PLXNA4: variants seen among roughly 807,000 people sequenced by gnomAD.
PLXNA4 encodes the protein plexin-A4.
PLXNA4 carries 44 observed loss-of-function variants against 191.8 expected under a neutral mutation model. The observed-to-expected ratio is 0.23, with a 90% CI of 0.18 to 0.29. The LOEUF (loss-of-function observed/expected upper bound fraction) is 0.29, where lower values mean the gene tolerates loss of function less well. PLXNA4 is among the 10% of genes least tolerant of loss of function. The pLI, the probability that PLXNA4 is intolerant of heterozygous loss-of-function variation, is 1.00. For synonymous variants in PLXNA4, 1,082 were observed against 1,009.5 expected (o/e 1.07, Z -1.36); for missense variants, 1,800 against 2,488.8 (o/e 0.72, Z 5.89).
At chr7:132,201,293 G>A (rs1000477014) in intron 12 of PLXNA4, among the ~76,000 whole-genome samples, 1 of 152,152 alleles carries the variant, frequency 6.6e-6, no homozygotes, top group African/African-American at 2.4e-5. Context: ...TGTCGTGCAA[G>A]CTGCCTAGTC....
intron 4 of PLXNA4, among the ~76,000 whole-genome samples, chr7:132,260,130 C>A (rs561927213): frequency 6.6e-6 from 1 of 152,212 alleles, no homozygotes; most frequent in African/African-American, 2.4e-5. Context: ...AACAGAACTG[C>A]CATTCAACCT....
At chr7:132,543,980 C>T (rs10225675) in intron 1 of PLXNA4, among the ~76,000 whole-genome samples, 104,709 of 152,128 alleles carry the variant, frequency 0.69, 38,042 homozygotes, top group South Asian at 0.89. Context: ...TGAGGCACAC[C>T]AACTAGAAGA....
chr7:132,181,315 G>A, intron 18 of PLXNA4, 66 bp downstream of exon 18: 2 of 1,596,184 alleles, frequency 1.3e-6, no homozygotes, highest in Non-Finnish European at 1.7e-6. Context: ...TCTGTGACTT[G>A]AACACCCCCT....
chr7:132,285,022 AT>A (rs989736097), intron 4 of PLXNA4, among the ~76,000 whole-genome samples: 1 of 151,914 alleles, frequency 6.6e-6, no homozygotes, highest in Non-Finnish European at 1.5e-5. Context: ...GCATAGGTGG[AT>A]TTTTTTTCAA....
intron 1 of PLXNA4, among the ~76,000 whole-genome samples, chr7:132,551,484 A>T (rs1471106156): frequency 6.6e-6 from 1 of 152,118 alleles, no homozygotes; most frequent in Middle Eastern, 3.2e-3. Context: ...CCATTCACAA[A>T]CCTTTCATTA....
chr7:132,170,119 C>T (rs1271604705), intron 21 of PLXNA4, among the ~76,000 whole-genome samples: 1 of 152,084 alleles, frequency 6.6e-6, no homozygotes, highest in African/African-American at 2.4e-5. Flanking sequence ...AATTCTGTCA[C>T]AGTCATTTCC....
chr7:132,545,740 G>T (rs1483467531), intron 1 of PLXNA4, among the ~76,000 whole-genome samples: 1 of 152,202 alleles, frequency 6.6e-6, no homozygotes, highest in African/African-American at 2.4e-5. Context: ...TGGAACTAAG[G>T]TGTTAAGAAG....
At chr7:132,404,252 C>T (rs960963270) in intron 3 of PLXNA4, among the ~76,000 whole-genome samples, 9 of 152,210 alleles carry the variant, frequency 5.9e-5, no homozygotes, top group African/African-American at 1.9e-4. Flanking sequence ...CTGATGGGCC[C>T]GCCCAACACA....
At chr7:132,444,726 G>T (rs953044155) in intron 3 of PLXNA4, among the ~76,000 whole-genome samples, 5 of 152,040 alleles carry the variant, frequency 3.3e-5, no homozygotes, top group Non-Finnish European at 7.4e-5. Flanking sequence ...CCAACCTGTG[G>T]GTGTGCAACC....
intron 2 of PLXNA4, among the ~76,000 whole-genome samples, chr7:132,495,178 C>T (rs1036878189): frequency 2.6e-5 from 4 of 152,194 alleles, no homozygotes; most frequent in African/African-American, 7.2e-5. Context: ...CTGATTGCAC[C>T]TCCTCTGCCA....
At chr7:132,284,779 T>C (rs1281025290) in intron 4 of PLXNA4, among the ~76,000 whole-genome samples, 1 of 152,168 alleles carries the variant, frequency 6.6e-6, no homozygotes, top group African/African-American at 2.4e-5. Flanking sequence ...TGGATTTCTT[T>C]CTTTTCTTTT....
At chr7:132,247,069 T>C (rs1232640988) in intron 4 of PLXNA4, among the ~76,000 whole-genome samples, 1 of 152,176 alleles carries the variant, frequency 6.6e-6, no homozygotes, top group Non-Finnish European at 1.5e-5. Context: ...TGGCCCCCAT[T>C]GCCCAACTCC....
At chr7:132,466,645 T>C (rs1796716001) in intron 3 of PLXNA4, among the ~76,000 whole-genome samples, 1 of 152,184 alleles carries the variant, frequency 6.6e-6, no homozygotes, top group South Asian at 2.1e-4. Flanking sequence ...GAAGTTCCCC[T>C]GGTGGCAGTG....
chr7:132,125,047 A>C lies in PLXNA4; in HGVS notation c.*5432T>G, dbSNP rs948883377. The C allele has an allele frequency of 6.6e-6, 1 of 152,160 alleles. No homozygotes were observed. Among genetic ancestry groups the C allele is most frequent in the Non-Finnish European group, 1.5e-5 (1 of 68,018 alleles). The allele number at this position is 152,160 out of a possible 1,614,324, so 9.4% of individuals were successfully genotyped here. On this transcript the variant is annotated 3_prime_UTR_variant, in exon 32 of 32. Transcript: ENST00000321063. Reference sequence around the variant, plus strand: ...GCAAAAATTTGTAGTAAAAAAAAAAAAACTCTCTCTTGCATGTCTGAAACT... The same window carrying C: ...GCAAAAATTTGTAGTAAAAAAAAAACAACTCTCTCTTGCATGTCTGAAACT...
intron 2 of PLXNA4, among the ~76,000 whole-genome samples, chr7:132,583,580 C>G (rs911363424): frequency 6.6e-6 from 1 of 152,222 alleles, no homozygotes; most frequent in Non-Finnish European, 1.5e-5. Context: ...AATGAAGGGA[C>G]AGGAGTGCCT....
chr7:132,322,058 T>C (rs907197236), intron 3 of PLXNA4, among the ~76,000 whole-genome samples: 2 of 152,000 alleles, frequency 1.3e-5, no homozygotes, highest in African/African-American at 4.8e-5. Flanking sequence ...AGTGAAAAGG[T>C]TGGAAAAGGA....
In PLXNA4 at chr7:132,407,830, T is replaced by G. The variant is rs149133522; in HGVS notation, c.1371+81462A>C. Among the ~76,000 whole-genome samples, 222 of 152,332 alleles carry G rather than the reference T, an allele frequency of 1.5e-3. 1 individual carries two copies. The highest frequency in any genetic ancestry group is 9.0e-3 in the East Asian group (47 of 5,196). On this transcript the variant is annotated intron_variant, in intron 3 of 31. Transcript: ENST00000321063. The stretch of plus-strand genomic sequence containing the variant: ...GAACATGAACTTAGAACACACAGAT[T>G]TTATACATCGGAAACAAGAAATGTC...
chr7:132,337,051 C>T (rs899782045), intron 3 of PLXNA4, among the ~76,000 whole-genome samples: 15 of 152,214 alleles, frequency 9.9e-5, no homozygotes, highest in African/African-American at 3.6e-4. Context: ...TAATAACAAA[C>T]CATAAAATTA....
intron 22 of PLXNA4, among the ~76,000 whole-genome samples, chr7:132,167,206 A>T (rs1796148268): frequency 3.3e-5 from 5 of 152,206 alleles, no homozygotes; most frequent in Admixed American, 3.3e-4. Context: ...GTTCAAACAG[A>T]AGCACTGGTA....
Sources: allele counts gnomAD v4.1 joint callset (sites outside exome capture counted in the v4.1 genomes callset), GRCh38; gene constraint gnomAD v4.1.1; transcripts MANE v1.5; gene names NCBI Gene and HGNC (gene_info 2026-07-23, HGNC 2026-07-21).